MYLIP: variants seen among roughly 807,000 people sequenced by gnomAD.
MYLIP encodes E3 ubiquitin-protein ligase MYLIP.
Under a neutral mutation model 45.8 loss-of-function variants are expected in MYLIP, and 26 were observed. That is an observed-to-expected ratio of 0.57 (90% confidence interval 0.42 to 0.79). The LOEUF is 0.79. Ranked by LOEUF, MYLIP falls within the 30% of genes least tolerant of loss-of-function variation. The pLI is 0.00. For synonymous variants in MYLIP, 213 were observed against 218.1 expected (o/e 0.98, Z 0.21); for missense variants, 494 against 555.6 (o/e 0.89, Z 1.11).
intron 2 of MYLIP, among the ~76,000 whole-genome samples, chr6:16,141,395 T>G (rs1469620967): frequency 6.6e-6 from 1 of 152,258 alleles, no homozygotes; most frequent in Non-Finnish European, 1.5e-5. Context: ...GAACTTGTGT[T>G]AAATAAGTTT....
Position 16,146,655 on chromosome 6 carries a change from T to G in MYLIP, c.1249-7T>G. ...GCTAACAGAGACTGTTGGCTTTTCT[T>G]TCCCAGTCATGTCCCGTCTGCAGGT... On this transcript the variant is annotated splice_polypyrimidine_tract_variant and splice_region_variant and intron_variant, in intron 6 of 6. Transcript: ENST00000356840. 4 of 1,604,914 alleles carry G rather than the reference T, an allele frequency of 2.5e-6. No individual in the cohort carries two copies. Among genetic ancestry groups the G allele is most frequent in the Non-Finnish European group, 3.4e-6 (4 of 1,174,138 alleles).
chr6:16,145,452 T>C (rs1759771384), intron 6 of MYLIP, 135 bp downstream of exon 6: 3 of 997,086 alleles, frequency 3.0e-6, no homozygotes, highest in East Asian at 2.6e-5. Context: ...GTCTTTGTAT[T>C]TGGTGACCTA....
At chr6:16,148,974 C>T (rs1449152761), downstream of MYLIP, among the ~76,000 whole-genome samples, 1 of 151,876 alleles carries the variant, frequency 6.6e-6, no homozygotes, top group African/African-American at 2.4e-5. Flanking sequence ...GTACCTATAA[C>T]CTAAGTCAAT....
the MYLIP span, among the ~76,000 whole-genome samples, chr6:16,157,650 C>A: frequency 6.6e-6 from 1 of 152,222 alleles, no homozygotes; most frequent in Admixed American, 6.5e-5. Context: ...TTGGATCTGA[C>A]TGGATTGAAG....
the MYLIP span, among the ~76,000 whole-genome samples, chr6:16,162,105 G>T: frequency 8.3e-4 from 126 of 152,332 alleles, no homozygotes; most frequent in Non-Finnish European, 1.5e-3. Context: ...TTAACTTGAG[G>T]CATCACCTAG....
At chr6:16,143,314 CT>C in intron 4 of MYLIP, 97 bp downstream of exon 4, 1 of 1,213,890 alleles carries the variant, frequency 8.2e-7, no homozygotes, top group South Asian at 1.3e-5. Context: ...CGACAGTCAG[CT>C]CTTAGGAATG....
chr6:16,139,050 A>T (rs1419795403), intron 2 of MYLIP, among the ~76,000 whole-genome samples: 1 of 152,200 alleles, frequency 6.6e-6, no homozygotes, highest in Non-Finnish European at 1.5e-5. Context: ...GCAAAAAGAC[A>T]CGGAATTGAT....
rs151166390 is a variant in MYLIP at position 16,144,226 on chromosome 6, T to C, written c.827+363T>C. On this transcript the variant is annotated intron_variant, in intron 5 of 6. Transcript: ENST00000356840. ...GTTAAAGATGAGGGAACTGGGAGGA[T>C]AATTATTTACTTAGTCTAGGACTCA... Among the ~76,000 whole-genome samples the C allele has an allele frequency of 2.7e-4, 41 of 152,210 alleles. No homozygotes were observed. The East Asian group carries it at 3.9e-3, about 14-fold the overall frequency.
Position 16,136,775 on chromosome 6 carries a change from G to A in MYLIP, c.279-4850G>A, listed in dbSNP as rs143013423. ...GGGTGTGTAGTGGTAGAGTGTTGTG[G>A]TTTTAATTTGCATTTCTCTGACAAT... On this transcript the variant is annotated intron_variant, in intron 2 of 6. Coordinates refer to ENST00000356840, the MANE Select transcript of MYLIP (RefSeq NM_013262.4). Among the ~76,000 whole-genome samples the A allele has an allele frequency of 5.0e-3, 756 of 152,252 alleles. 4 individuals carry two copies. Among genetic ancestry groups the A allele is most frequent in the Non-Finnish European group, 7.9e-3 (536 of 68,004 alleles).
At chr6:16,143,912 T>C in intron 5 of MYLIP, 49 bp downstream of exon 5, 4 of 1,572,808 alleles carry the variant, frequency 2.5e-6, no homozygotes, top group Non-Finnish European at 3.5e-6. Flanking sequence ...CTCTCAGGTT[T>C]TTAGGTGACA....
the MYLIP span, among the ~76,000 whole-genome samples, chr6:16,153,716 C>A: frequency 9.9e-5 from 15 of 152,108 alleles, no homozygotes; most frequent in African/African-American, 3.1e-4. Flanking sequence ...GGAGAGAGCG[C>A]GAGAGCCAGG....
chr6:16,141,146 C>T (rs1159309439), intron 2 of MYLIP, among the ~76,000 whole-genome samples: 24 of 152,014 alleles, frequency 1.6e-4, no homozygotes, highest in Admixed American at 1.6e-3. Flanking sequence ...GGTGGTGAAG[C>T]CTATAGGAGA....
chr6:16,162,429 T>C, the MYLIP span, among the ~76,000 whole-genome samples: 1 of 152,120 alleles, frequency 6.6e-6, no homozygotes. Context: ...GACTTTTGTT[T>C]TCATCTCAGG....
In MYLIP at chr6:16,146,715, A is replaced by G; in HGVS notation, c.1302A>G (p.Pro434=). The G allele has an allele frequency of 6.2e-7, 1 of 1,611,868 alleles. No homozygotes were observed. The highest frequency in any genetic ancestry group is 8.5e-7 in the Non-Finnish European group (1 of 1,178,760). Reference sequence around the variant, plus strand: ...AGCATGTCCAGCACGTCTATCTGCCAACGCACACCAGTCTTCTCAATCTGA... The same window carrying G: ...AGCATGTCCAGCACGTCTATCTGCCGACGCACACCAGTCTTCTCAATCTGA... ...RVEHVQHVYL[P]THTSLLNLTV... is the part of the protein sequence containing the mutation. The change falls in exon 7 of 7, where the codon CCA becomes CCG. Residue 434 remains proline, a synonymous_variant. Coordinates refer to ENST00000356840, the MANE Select transcript of MYLIP (RefSeq NM_013262.4).
intron 6 of MYLIP, among the ~76,000 whole-genome samples, chr6:16,146,013 T>C (rs1054312643): frequency 1.3e-5 from 2 of 152,242 alleles, no homozygotes; most frequent in Non-Finnish European, 2.9e-5. Flanking sequence ...AGATAATACT[T>C]AGTCCTTCAG....
the MYLIP span, among the ~76,000 whole-genome samples, chr6:16,157,604 C>T: frequency 6.6e-6 from 1 of 152,246 alleles, no homozygotes; most frequent in Non-Finnish European, 1.5e-5. Flanking sequence ...TCTCCATCAC[C>T]CCAGAGTGGC....
chr6:16,141,703 C>A lies in MYLIP; in HGVS notation c.357C>A (p.Leu119=). Residue 119 remains leucine (L), a synonymous_variant, in exon 3 of 7, where the codon CTC becomes CTA. Transcript: ENST00000356840. ...GTTCCCCAGAGCAGGCAGTGGAACT[C>A]AGTGCCCTCCTGGCCCAGACCAAGT... ...LLCSPEQAVE[L]SALLAQTKFG... 1 of 1,614,196 alleles carries A rather than the reference C, an allele frequency of 6.2e-7. No individual in the cohort carries two copies. The highest frequency in any genetic ancestry group is 8.5e-7 in the Non-Finnish European group (1 of 1,180,030).
At chr6:16,152,148 A>C (rs1327699429), downstream of MYLIP, among the ~76,000 whole-genome samples, 1 of 152,250 alleles carries the variant, frequency 6.6e-6, no homozygotes, top group African/African-American at 2.4e-5. Flanking sequence ...AGCAAAGGGT[A>C]CAAGAGAGGA....
chr6:16,152,655 G>A (rs1759891525), downstream of MYLIP, among the ~76,000 whole-genome samples: 1 of 152,224 alleles, frequency 6.6e-6, no homozygotes, highest in African/African-American at 2.4e-5. Context: ...GGCAGTGGAA[G>A]CTGTAAACTA....
Sources: allele counts gnomAD v4.1 joint callset (sites outside exome capture counted in the v4.1 genomes callset), GRCh38; gene constraint gnomAD v4.1.1; transcripts MANE v1.5; gene names NCBI Gene and HGNC (gene_info 2026-07-23, HGNC 2026-07-21).